The following ACSS2 variants were observed in gnomAD, a reference collection of about 807,000 sequenced individuals.
The protein encoded by ACSS2 is acyl-CoA synthetase short chain family member 2.
ACSS2 carries 58 observed loss-of-function variants against 90.6 expected under a neutral mutation model. That is an observed-to-expected ratio of 0.64 (90% CI 0.52 to 0.80). ACSS2 has a LOEUF of 0.80. ACSS2 is among the 30% of genes least tolerant of loss of function. The probability of loss-of-function intolerance (pLI) is 0.00; values close to 1 mark genes in which losing one functional copy is unlikely to be tolerated. For missense variants in ACSS2, 759 were observed against 912.0 expected (o/e 0.83, Z 2.16); for synonymous variants, 300 against 330.9 (o/e 0.91, Z 1.01).
At chr20:34,900,670 G>A (rs1374581718) in intron 2 of ACSS2, among the ~76,000 whole-genome samples, 1 of 152,176 alleles carries the variant, frequency 6.6e-6, no homozygotes, top group African/African-American at 2.4e-5. Context: ...TTTGAATCAG[G>A]AGCTGAGTGA....
chr20:34,900,018 A>C (rs941892009), intron 2 of ACSS2, among the ~76,000 whole-genome samples: 1 of 152,128 alleles, frequency 6.6e-6, no homozygotes, highest in Non-Finnish European at 1.5e-5. Context: ...GAACCATTTT[A>C]TATTCCCGGC....
At chr20:34,894,125 T>C (rs915752278) in intron 2 of ACSS2, among the ~76,000 whole-genome samples, 6 of 152,192 alleles carry the variant, frequency 3.9e-5, no homozygotes, top group South Asian at 4.1e-4. Flanking sequence ...AGGGTTCTTG[T>C]TGAACTTTAG....
At chr20:34,889,153 C>T (rs892073995) in intron 2 of ACSS2, among the ~76,000 whole-genome samples, 5 of 151,666 alleles carry the variant, frequency 3.3e-5, no homozygotes, top group South Asian at 2.1e-4. Flanking sequence ...GATGGAGTCT[C>T]GCTCTGTTGC....
Position 34,919,574 on chromosome 20 carries a change from C to T in ACSS2, c.972+2C>T. 2 of 1,576,352 alleles carry T rather than the reference C, an allele frequency of 1.3e-6. No individual in the cohort carries two copies. Among genetic ancestry groups the T allele is most frequent in the African/African-American group, 1.6e-5 (1 of 63,748 alleles). ...AGTGGCTCCACAGGCAAACCCAAGG[C>T]AAGTGTGTGTGTGTGTGTGTGTGTG... On this transcript the variant is annotated splice_donor_variant, in intron 8 of 17. Transcript: ENST00000360596. LOFTEE classifies it low-confidence loss of function (GC_TO_GT_DONOR).
At chr20:34,898,858 C>T (rs2080542989) in intron 2 of ACSS2, among the ~76,000 whole-genome samples, 1 of 151,790 alleles carries the variant, frequency 6.6e-6, no homozygotes, top group Admixed American at 6.6e-5. Context: ...GGGGGCGGTG[C>T]TCGTCGGGGG....
At chr20:34,891,493 T>A (rs1255485300) in intron 2 of ACSS2, among the ~76,000 whole-genome samples, 6 of 152,186 alleles carry the variant, frequency 3.9e-5, no homozygotes, top group African/African-American at 1.2e-4. Flanking sequence ...TATTTATTTA[T>A]TTAATTTATT....
chr20:34,910,138 C>G (rs1176465004), intron 2 of ACSS2, among the ~76,000 whole-genome samples: 1 of 151,828 alleles, frequency 6.6e-6, no homozygotes, highest in Admixed American at 6.6e-5. Context: ...TCTCCTGCTT[C>G]AGCCTCCTGT....
intron 3 of ACSS2, 95 bp downstream of exon 3, chr20:34,913,282 T>C: frequency 2.6e-6 from 4 of 1,555,438 alleles, no homozygotes; most frequent in Non-Finnish European, 3.5e-6. Context: ...TGGAAAGAAT[T>C]TGGTAACAGA....
At chr20:34,889,073 C>T (rs992022693) in intron 2 of ACSS2, among the ~76,000 whole-genome samples, 6 of 146,858 alleles carry the variant, frequency 4.1e-5, no homozygotes, top group East Asian at 4.0e-4. Context: ...GGTACGATCT[C>T]GGCTCACTGC....
chr20:34,905,377 ATCC>A (rs1442789442), intron 2 of ACSS2, among the ~76,000 whole-genome samples: 5 of 151,068 alleles, frequency 3.3e-5, no homozygotes, highest in African/African-American at 1.2e-4. Flanking sequence ...GGTTCACGCC[ATCC>A]TCCTGCCTCA....
intron 7 of ACSS2, among the ~76,000 whole-genome samples, chr20:34,919,066 A>G (rs1030184736): frequency 2.0e-5 from 3 of 152,184 alleles, no homozygotes; most frequent in African/African-American, 4.8e-5. Flanking sequence ...TGTTGTGATC[A>G]ATAATAATAG....
At position 34,876,626 on chromosome 20, in the gene ACSS2, G is replaced by A; in HGVS notation, c.-20G>A. The A allele has an allele frequency of 1.5e-6, 2 of 1,311,176 alleles. No homozygotes were observed. The highest frequency in any genetic ancestry group is 4.0e-5 in the Admixed American group (1 of 24,884). The allele number at this position is 1,311,176 out of a possible 1,614,324, so 81.2% of individuals were successfully genotyped here. ...CCGCCGCGACCGCAAAGGCGGCCGC[G>A]GTTCTAGGAACTTGACGTGATGGGG... On this transcript the variant is annotated 5_prime_UTR_variant, in exon 1 of 18. Coordinates refer to ENST00000360596, the MANE Select transcript of ACSS2 (RefSeq NM_018677.4).
Position 34,920,604 on chromosome 20 carries a change from C to G in ACSS2, c.1038C>G (p.Asp346Glu). 1 of 1,614,248 alleles carries G rather than the reference C, an allele frequency of 6.2e-7. No homozygotes were observed. Among genetic ancestry groups the G allele is most frequent in the Non-Finnish European group, 8.5e-7 (1 of 1,180,048 alleles). The stretch of plus-strand genomic sequence containing the variant: ...CCACAACCTTCAAGTATGTGTTTGA[C>G]TTCCATGCAGAGGATGTGTTCTGGT... The part of the protein sequence containing the change: ...YVATTFKYVF[D>E]FHAEDVFWCT... The change falls in exon 9 of 18, where the codon GAC becomes GAG. Residue 346 changes from aspartate (D) to glutamate (E), a missense_variant. Physicochemically the swap from Asp to Glu is conservative, Grantham distance 45. Coordinates refer to ENST00000360596, the MANE Select transcript of ACSS2 (RefSeq NM_018677.4).
chr20:34,903,578 A>T (rs2080723255), intron 2 of ACSS2, among the ~76,000 whole-genome samples: 1 of 152,004 alleles, frequency 6.6e-6, no homozygotes, highest in South Asian at 2.1e-4. Context: ...TCCTCTCATA[A>T]CAGGTTTGGT....
chr20:34,881,496 C>T (rs2080071721), intron 1 of ACSS2, among the ~76,000 whole-genome samples: 1 of 152,158 alleles, frequency 6.6e-6, no homozygotes, highest in African/African-American at 2.4e-5. Flanking sequence ...ATTTTCATTG[C>T]TCTTGGGATA....
chr20:34,898,936 G>A (rs552713152), intron 2 of ACSS2, among the ~76,000 whole-genome samples: 1 of 152,226 alleles, frequency 6.6e-6, no homozygotes, highest in African/African-American at 2.4e-5. Context: ...TGCAGGTCCC[G>A]AGCCCTGCCC....
intron 2 of ACSS2, among the ~76,000 whole-genome samples, chr20:34,895,738 A>C (rs921701847): frequency 1.3e-5 from 2 of 152,238 alleles, no homozygotes; most frequent in Non-Finnish European, 2.9e-5. Context: ...AGAGTGAGAA[A>C]GAAGAACCAA....
intron 6 of ACSS2, 39 bp downstream of exon 6, chr20:34,914,210 T>G (rs1243424112): frequency 3.1e-6 from 5 of 1,612,386 alleles, no homozygotes. Context: ...GACTGAGCCT[T>G]TCCCCAGTGC....
intron 2 of ACSS2, among the ~76,000 whole-genome samples, chr20:34,898,045 G>A (rs909319700): frequency 6.6e-5 from 10 of 152,146 alleles, no homozygotes; most frequent in Non-Finnish European, 8.8e-5. Flanking sequence ...GTTCGGATGT[G>A]TTCGGAGTTT....
Sources: gnomAD v4.1 joint callset for allele counts (sites outside exome capture counted in the v4.1 genomes callset) on GRCh38, gnomAD v4.1.1 for gene constraint, MANE v1.5 for transcripts, NCBI Gene and HGNC (gene_info 2026-07-23, HGNC 2026-07-21) for gene names.